The following PUDP variants were observed in gnomAD, a reference collection of about 807,000 sequenced individuals.
PUDP encodes pseudouridine-5'-phosphatase.
In PUDP, 8 loss-of-function variants were observed where a neutral mutation model predicts 9.4. The observed-to-expected ratio is 0.85, with a 90% CI of 0.50 to 1.53. PUDP has a LOEUF of 1.53. Ranked by LOEUF, PUDP falls within the 40% of genes most tolerant of loss-of-function variation. The pLI is 0.00. For missense variants in PUDP, 188 were observed against 189.7 expected, an observed-to-expected ratio of 0.99 and a Z score of 0.05; for synonymous variants, 99 against 80.7, an observed-to-expected ratio of 1.23 and a Z score of -1.22.
intron 3 of PUDP, among the ~76,000 whole-genome samples, chrX:6,894,962 G>A (rs758795544): frequency 5.4e-5 from 6 of 110,967 alleles, no homozygotes; most frequent in Non-Finnish European, 1.1e-4. Flanking sequence ...TCTCCAGTAG[G>A]TTGCTGTTAC....
At chrX:6,839,041 C>T (rs144715390) in intron 3 of PUDP, among the ~76,000 whole-genome samples, 1 of 112,151 alleles carries the variant, frequency 8.9e-6, no homozygotes, top group Admixed American at 9.4e-5. Flanking sequence ...TAAACACAAC[C>T]ATGTTTTTAT....
chrX:7,081,899 T>G (rs758982020), intron 2 of PUDP, among the ~76,000 whole-genome samples: 30 of 112,903 alleles, frequency 2.7e-4, no homozygotes, highest in Non-Finnish European at 3.9e-4. Context: ...TCATCAGGAA[T>G]GAACGATCCT....
At chrX:6,722,499 T>C (rs767027768), upstream of PUDP, among the ~76,000 whole-genome samples, 61 of 110,784 alleles carry the variant, frequency 5.5e-4, no homozygotes, top group Non-Finnish European at 8.7e-4. Context: ...GAAGAAAGTA[T>C]ATTAAAATAT....
chrX:7,098,925 G>C (rs1931651127), intron 2 of PUDP, among the ~76,000 whole-genome samples: 1 of 110,793 alleles, frequency 9.0e-6, no homozygotes, highest in Non-Finnish European at 1.9e-5. Flanking sequence ...AGATGCAGGG[G>C]AGAGCCGGCC....
At chrX:6,960,373 C>T (rs763514614) in intron 3 of PUDP, among the ~76,000 whole-genome samples, 14 of 111,897 alleles carry the variant, frequency 1.3e-4, no homozygotes, top group African/African-American at 4.5e-4. Context: ...TATATAAGGC[C>T]AAGTTCCGCC....
intron 1 of PUDP, among the ~76,000 whole-genome samples, chrX:7,119,449 T>C (rs183118201): frequency 2.0e-4 from 22 of 112,790 alleles, no homozygotes; most frequent in African/African-American, 6.8e-4. Context: ...AAATGAATAA[T>C]TAAGCATAAA....
rs1161570983 is a variant in PUDP, at chrX:7,105,884, C to T, written c.62-46G>A. ...ATTTTTAGAGTGCATACTGTATGAA[C>T]AGTAAGTTTGTATCAGGTCCGCATA... is the stretch of plus-strand genomic sequence containing the variant. On this transcript the variant is annotated intron_variant, in intron 1 of 3. Coordinates refer to ENST00000381077, the MANE Select transcript of PUDP (RefSeq NM_012080.5). 5.4e-6 allele frequency: 5 copies of T among 929,370 alleles called. No individual in the cohort carries two copies. The East Asian group carries it at 1.6e-4, about 30-fold the overall frequency. 76.6% of individuals were successfully genotyped at this position (929,370 alleles called of 1,213,427 possible). A position where few individuals can be genotyped will look rare whatever the true frequency, so the allele number is the denominator to read the frequency against.
At chrX:6,764,749 GT>G (rs1925264426) in intron 3 of PUDP, among the ~76,000 whole-genome samples, 1 of 111,557 alleles carries the variant, frequency 9.0e-6, no homozygotes, top group African/African-American at 3.3e-5. Context: ...GCCTGAATCT[GT>G]TTTGTGGCTA....
chrX:6,765,286 CA>C (rs1925271377), intron 3 of PUDP, among the ~76,000 whole-genome samples: 1 of 110,117 alleles, frequency 9.1e-6, no homozygotes, highest in Admixed American at 9.8e-5. Flanking sequence ...TCTCAAAAAA[CA>C]AACAAACAAA....
chrX:6,816,711 T>C (rs905171104), intron 3 of PUDP, among the ~76,000 whole-genome samples: 2 of 98,021 alleles, frequency 2.0e-5, no homozygotes, highest in African/African-American at 7.3e-5. Context: ...ATATATACTA[T>C]ATAGTATATA....
intron 3 of PUDP, among the ~76,000 whole-genome samples, chrX:6,944,275 T>G (rs1928435281): frequency 8.9e-6 from 1 of 111,800 alleles, no homozygotes; most frequent in Admixed American, 9.5e-5. Flanking sequence ...CTCTTTGCCT[T>G]CTGCCATGAT....
At chrX:6,794,683 C>T (rs1191112103) in intron 3 of PUDP, among the ~76,000 whole-genome samples, 1 of 108,474 alleles carries the variant, frequency 9.2e-6, no homozygotes, top group African/African-American at 3.4e-5. Context: ...CCTCAGCCTC[C>T]CGAGTAGCTG....
At chrX:7,043,937 C>A (rs1308790943), downstream of PUDP, among the ~76,000 whole-genome samples, 1 of 112,265 alleles carries the variant, frequency 8.9e-6, no homozygotes, top group Non-Finnish European at 1.9e-5. Flanking sequence ...TGAGACTAGA[C>A]ATGTGATGAC....
intron 3 of PUDP, among the ~76,000 whole-genome samples, chrX:6,746,593 T>C (rs1195253652): frequency 1.8e-5 from 2 of 108,680 alleles, no homozygotes; most frequent in Admixed American, 2.0e-4. Context: ...CAGGCCCCAG[T>C]GTGTGTTGTT....
intron 1 of PUDP, among the ~76,000 whole-genome samples, chrX:7,043,020 T>A (rs1465152382): frequency 2.7e-5 from 3 of 111,718 alleles, no homozygotes; most frequent in Non-Finnish European, 5.6e-5. Flanking sequence ...CCGGCCACCC[T>A]CCATAAACAG....
chrX:6,985,811 C>T (rs1869865534), intron 1 of PUDP, among the ~76,000 whole-genome samples: 1 of 111,612 alleles, frequency 9.0e-6, no homozygotes, highest in African/African-American at 3.3e-5. Context: ...TGAACCAGAG[C>T]AACTCCATCT....
At chrX:6,843,513 A>G (rs1340330413) in intron 3 of PUDP, among the ~76,000 whole-genome samples, 1 of 111,956 alleles carries the variant, frequency 8.9e-6, no homozygotes, top group Admixed American at 9.5e-5. Flanking sequence ...TAGGGTAGTA[A>G]TAAGAGGAAC....
intron 3 of PUDP, among the ~76,000 whole-genome samples, chrX:6,810,985 G>A (rs1926134494): frequency 9.0e-6 from 1 of 111,351 alleles, no homozygotes; most frequent in Admixed American, 9.6e-5. Flanking sequence ...GCCTTGCTAG[G>A]GAGGTGGACC....
intron 1 of PUDP, among the ~76,000 whole-genome samples, chrX:6,978,351 AAGAGAG>A (rs5901332): frequency 2.7e-5 from 3 of 109,136 alleles, no homozygotes; most frequent in Non-Finnish European, 3.8e-5. Context: ...TTTCTAAAAA[AAGAGAG>A]AGAGAGAGAG....
Sources: allele counts gnomAD v4.1 joint callset (sites outside exome capture counted in the v4.1 genomes callset), GRCh38; gene constraint gnomAD v4.1.1; transcripts MANE v1.5; gene names NCBI Gene and HGNC (gene_info 2026-07-23, HGNC 2026-07-21).